The following PRG3 variants were observed in gnomAD, a reference collection of about 807,000 sequenced individuals.
PRG3 encodes the protein proteoglycan 3.
PRG3 carries 25 observed loss-of-function variants against 26.1 expected under a neutral mutation model. That is an observed-to-expected ratio of 0.96 (90% CI 0.70 to 1.34). The LOEUF (loss-of-function observed/expected upper bound fraction) is 1.34. PRG3 is among the 40% of genes most tolerant of loss of function. PRG3 has a pLI of 0.00. For missense variants in PRG3, 280 were observed against 264.8 expected (o/e 1.06, Z -0.40); for synonymous variants, 111 against 100.4 (o/e 1.11, Z -0.63).
chr11:57,379,505 C>G lies in PRG3; in HGVS notation c.364G>C (p.Ala122Pro). ...YLLVRTPKTF[A>P]EAQNVCSRCY... The stretch of plus-strand genomic sequence containing the variant: ...TCCCTACTACTTACCTGAGCTTCTG[C>G]AAAAGTTTTAGGAGTCCGCACCAAT... The change falls in exon 3 of 6, where the codon GCA (alanine) becomes CCA (proline). Residue 122 changes from alanine to proline, a missense_variant. Transcript: ENST00000287143. 6.2e-7 allele frequency: 1 copy of G among 1,607,216 alleles called. No homozygotes were observed. Among genetic ancestry groups the G allele is most frequent in the Non-Finnish European group, 8.5e-7 (1 of 1,175,830 alleles).
At position 57,376,774 on chromosome 11, in the gene PRG3, TG is replaced by T; in HGVS notation, c.*75del. 6.8e-7 allele frequency: 1 copy of T among 1,471,972 alleles called. No individual in the cohort carries two copies. 91.2% of individuals were successfully genotyped at this position (1,471,972 alleles called of 1,614,324 possible). On this transcript the variant is annotated 3_prime_UTR_variant, in exon 6 of 6. Transcript: ENST00000287143. ...AAGAAACGAGAGTCAGGAAATGCTG[TG>T]GGAAGTCTGGATTTATGAGCAGGAG...
At chr11:57,377,671 T>G in intron 5 of PRG3, 54 bp downstream of exon 5, 2 of 1,446,264 alleles carry the variant, frequency 1.4e-6, no homozygotes, top group Non-Finnish European at 1.9e-6. Context: ...AGGGGTAGTA[T>G]TAAGAATCCA....
Position 57,377,955 on chromosome 11 carries a change from AT to A in PRG3, c.508-120del, listed in dbSNP as rs1488698615. 2.2e-5 allele frequency: 16 copies of A among 736,988 alleles called. No homozygotes were observed. In the African/African-American group the frequency reaches 2.3e-4, roughly 10 times the overall value. 45.7% of individuals were successfully genotyped at this position (736,988 alleles called of 1,614,324 possible). A position where few individuals can be genotyped will look rare whatever the true frequency, so the allele number is the denominator to read the frequency against. On this transcript the variant is annotated intron_variant, in intron 4 of 5. Coordinates refer to ENST00000287143, the MANE Select transcript of PRG3 (RefSeq NM_006093.4). Reference sequence around the variant, plus strand: ...CAGGAGCCAGACACCCTAGAGAGCCATTCCTAAGAGTTTCCAGGCAATGACA... The same window carrying A: ...CAGGAGCCAGACACCCTAGAGAGCCATCCTAAGAGTTTCCAGGCAATGACA...
chr11:57,377,976 A>G (rs902076844), intron 4 of PRG3, 140 bp from the exon 5 acceptor site: 3 of 653,838 alleles, frequency 4.6e-6, no homozygotes, highest in South Asian at 1.9e-5. Context: ...TTTCCAGGCA[A>G]TGACAGGAAG....
chr11:57,377,413 C>T lies in PRG3; in HGVS notation c.619+312G>A, dbSNP rs367906020. 2.0e-4 allele frequency among the ~76,000 whole-genome samples: 31 copies of T among 152,290 alleles called. No homozygotes were observed. In the South Asian group the frequency reaches 3.5e-3, roughly 17 times the overall value. On this transcript the variant is annotated intron_variant, in intron 5 of 5. Coordinates refer to ENST00000287143, the MANE Select transcript of PRG3 (RefSeq NM_006093.4). ...CCCATCCTTCCTTTTCTCTCATCCA[C>T]GCCTTATATCCACTTCCGCTACTCT...
rs932376775 is a variant in PRG3, at chr11:57,379,896, T to C, written c.62-89A>G. 9 of 1,232,876 alleles carry C rather than the reference T, an allele frequency of 7.3e-6. No homozygotes were observed. The Admixed American group carries it at 1.7e-4, about 23-fold the overall frequency. 76.4% of individuals were successfully genotyped at this position (1,232,876 alleles called of 1,614,324 possible). On this transcript the variant is annotated intron_variant, in intron 2 of 5. Transcript: ENST00000287143. ...TCCAGCAACGTCGCTCGAGCTTTCC[T>C]AGGAATTCCACCTGAAGACAAGACT...
At chr11:57,377,091 T>G (rs1422262626) in intron 5 of PRG3, among the ~76,000 whole-genome samples, 183 bp from the exon 6 acceptor site, 1 of 152,208 alleles carries the variant, frequency 6.6e-6, no homozygotes, top group Non-Finnish European at 1.5e-5. Context: ...CTAGGCTGTG[T>G]GCTAACTGCA....
At position 57,376,775 on chromosome 11, in the gene PRG3, G is replaced by C; in HGVS notation, c.*75C>G. On this transcript the variant is annotated 3_prime_UTR_variant, in exon 6 of 6. Transcript: ENST00000287143. ...AGAAACGAGAGTCAGGAAATGCTGT[G>C]GGAAGTCTGGATTTATGAGCAGGAG... 2.0e-6 allele frequency: 3 copies of C among 1,478,878 alleles called. No homozygotes were observed. Among genetic ancestry groups the C allele is most frequent in the Non-Finnish European group, 2.8e-6 (3 of 1,061,556 alleles). The allele number at this position is 1,478,878 out of a possible 1,614,324, so 91.6% of individuals were successfully genotyped here. A position where few individuals can be genotyped will look rare whatever the true frequency, so the allele number is the denominator to read the frequency against.
chr11:57,376,947 G>A, intron 5 of PRG3, 39 bp from the exon 6 acceptor site: 2 of 1,609,296 alleles, frequency 1.2e-6, no homozygotes, highest in Non-Finnish European at 1.7e-6. Flanking sequence ...CCGCCCTGCG[G>A]GGTCTGGCCT....
chr11:57,378,655 C>T, intron 4 of PRG3, 26 bp downstream of exon 4: 2 of 1,609,620 alleles, frequency 1.2e-6, no homozygotes, highest in Non-Finnish European at 1.7e-6. Flanking sequence ...GAACTTACTG[C>T]ACCCAAGATT....
intron 4 of PRG3, 107 bp downstream of exon 4, chr11:57,378,574 C>T (rs1856965693): frequency 2.1e-6 from 3 of 1,432,760 alleles, no homozygotes; most frequent in Non-Finnish European, 2.9e-6. Flanking sequence ...CATTGCCTGC[C>T]ACATTAAGGA....
intron 5 of PRG3, among the ~76,000 whole-genome samples, chr11:57,377,308 A>G (rs903160227): frequency 6.6e-6 from 1 of 152,092 alleles, no homozygotes; most frequent in Admixed American, 6.5e-5. Context: ...CACTATACTA[A>G]ACTCACATCT....
intron 4 of PRG3, 62 bp downstream of exon 4, chr11:57,378,618 CA>C: frequency 6.3e-7 from 1 of 1,584,466 alleles, no homozygotes; most frequent in Non-Finnish European, 8.6e-7. Context: ...TTGGCACCAT[CA>C]GATGCTACTT....
At chr11:57,380,168 G>C (rs560284936) in intron 2 of PRG3, among the ~76,000 whole-genome samples, 18 of 152,288 alleles carry the variant, frequency 1.2e-4, no homozygotes, top group African/African-American at 3.8e-4. Context: ...TTGGGAGGCC[G>C]GGGCGGGCGA....
In PRG3 at chr11:57,377,902, T is replaced by G. The variant is rs1305214083; in HGVS notation, c.508-66A>C. On this transcript the variant is annotated intron_variant, in intron 4 of 5. Coordinates refer to ENST00000287143, the MANE Select transcript of PRG3 (RefSeq NM_006093.4). ...ATCCAGGACCTCATGGAATACCCCC[T>G]GTTGACTTCTCTCACTGCCTACCTG... 5 of 1,338,528 alleles carry G rather than the reference T, an allele frequency of 3.7e-6. No homozygotes were observed. In the East Asian group the frequency reaches 1.2e-4, roughly 31 times the overall value. The allele number at this position is 1,338,528 out of a possible 1,614,324, so 82.9% of individuals were successfully genotyped here. A position where few individuals can be genotyped will look rare whatever the true frequency, so the allele number is the denominator to read the frequency against.
Position 57,376,807 on chromosome 11 carries a change from G to C in PRG3, c.*43C>G. Reference sequence around the variant, plus strand: ...CTGGATTTATGAGCAGGAGAGGTTGGGGGACGGGAGGGAGCTGCTGGCAGG... The same window carrying C: ...CTGGATTTATGAGCAGGAGAGGTTGCGGGACGGGAGGGAGCTGCTGGCAGG... On this transcript the variant is annotated 3_prime_UTR_variant, in exon 6 of 6. Transcript: ENST00000287143. 6.3e-7 allele frequency: 1 copy of C among 1,597,848 alleles called. No homozygotes were observed. The highest frequency in any genetic ancestry group is 8.6e-7 in the Non-Finnish European group (1 of 1,167,128).
chr11:57,377,865 G>A (rs534087240), intron 4 of PRG3, 29 bp from the exon 5 acceptor site: 14 of 1,579,664 alleles, frequency 8.9e-6, no homozygotes, highest in South Asian at 3.3e-5. Context: ...AGGTCAGAGG[G>A]CAGAAGTTCA....
Position 57,377,837 on chromosome 11 carries a change from C to T in PRG3, c.508-1G>A, listed in dbSNP as rs1856959378. On this transcript the variant is annotated splice_acceptor_variant, in intron 4 of 5. Coordinates refer to ENST00000287143, the MANE Select transcript of PRG3 (RefSeq NM_006093.4). LOFTEE classifies it high-confidence loss of function. Reference sequence around the variant, plus strand: ...TCCAGCAAAACCGCTTCCACAGGAACTAGAGAAGTGACAGGCTAGGTCAGA... The same window carrying T: ...TCCAGCAAAACCGCTTCCACAGGAATTAGAGAAGTGACAGGCTAGGTCAGA... 6.2e-7 allele frequency: 1 copy of T among 1,611,734 alleles called. No individual in the cohort carries two copies. Among genetic ancestry groups the T allele is most frequent in the Non-Finnish European group, 8.5e-7 (1 of 1,178,940 alleles).
At position 57,379,550 on chromosome 11, in the gene PRG3, AC is replaced by A. The variant is rs1406287504; in HGVS notation, c.318del (p.Arg106SerfsTer?). Reference sequence around the variant, plus strand: ...ACCAATAGGTAGCGGCAGATCTTGCACCTTGGACTTCCCTGCACTTCAACAA... The same window carrying A: ...ACCAATAGGTAGCGGCAGATCTTGCACTTGGACTTCCCTGCACTTCAACAA... ...EDIVEVQGSP[R>X]CKICRYLLVR... On this transcript the variant is annotated frameshift_variant, in exon 3 of 6. Coordinates refer to ENST00000287143, the MANE Select transcript of PRG3 (RefSeq NM_006093.4). LOFTEE classifies it high-confidence loss of function. The A allele has an allele frequency of 1.9e-6, 3 of 1,613,564 alleles. No individual in the cohort carries two copies. The highest frequency in any genetic ancestry group is 2.5e-6 in the Non-Finnish European group (3 of 1,179,974).
Sources: gnomAD v4.1 joint callset for allele counts (sites outside exome capture counted in the v4.1 genomes callset) on GRCh38, gnomAD v4.1.1 for gene constraint, MANE v1.5 for transcripts, NCBI Gene and HGNC (gene_info 2026-07-23, HGNC 2026-07-21) for gene names.